SYDE2: variants seen among roughly 807,000 people sequenced by gnomAD.
SYDE2 encodes the protein synapse defective Rho GTPase homolog 2.
Under a neutral mutation model 91.5 loss-of-function variants are expected in SYDE2, and 76 were observed. The ratio of observed to expected loss-of-function variants is 0.83; its 90% confidence interval spans 0.69 to 1.01. The LOEUF (loss-of-function observed/expected upper bound fraction) is 1.01, where lower values mean the gene tolerates loss of function less well. SYDE2 is among the 50% of genes least tolerant of loss of function. The pLI is 0.00. For synonymous variants in SYDE2, 513 were observed against 506.4 expected, an observed-to-expected ratio of 1.01 and a Z score of -0.18; for missense variants, 1,364 against 1,367.7, an observed-to-expected ratio of 1.00 and a Z score of 0.04.
Position 85,182,900 on chromosome 1 carries a change from G to C in SYDE2, c.1742C>G (p.Thr581Ser), listed in dbSNP as rs1185406998. 3 of 1,613,630 alleles carry C rather than the reference G, an allele frequency of 1.9e-6. No individual in the cohort carries two copies. The Admixed American group carries it at 5.0e-5, about 27-fold the overall frequency. ...TATAACATTCCTCTTAGCAGCGGTGGTTGTGTTCCCAGAGGGCAGAATATC... is the reference window on the plus strand; with the variant it reads ...TATAACATTCCTCTTAGCAGCGGTGCTTGTGTTCCCAGAGGGCAGAATATC... ...HTDILPSGNT[T>S]TAAKRNVISR... Residue 581 changes from threonine (T) to serine (S), a missense_variant, in exon 3 of 7, where the codon ACC becomes AGC. Coordinates refer to ENST00000341460, the MANE Select transcript of SYDE2 (RefSeq NM_032184.2).
intron 4 of SYDE2, 78 bp from the exon 5 acceptor site, chr1:85,169,303 T>G: frequency 8.8e-7 from 1 of 1,135,388 alleles, no homozygotes; most frequent in South Asian, 1.8e-5. Flanking sequence ...TTTTTAAAAT[T>G]TAAGTATTAT....
At chr1:85,165,900 G>T (rs1377321111) in intron 5 of SYDE2, among the ~76,000 whole-genome samples, 1 of 124,164 alleles carries the variant, frequency 8.1e-6, no homozygotes, top group Non-Finnish European at 1.6e-5. Flanking sequence ...TGGAGACAGG[G>T]TCTCACTCTG....
chr1:85,181,882 A>G (rs1202459568), intron 3 of SYDE2: 1 of 433,882 alleles, frequency 2.3e-6, no homozygotes, highest in Admixed American at 4.1e-5. Flanking sequence ...CTGTGTTGCA[A>G]TATAAATTTG....
In SYDE2 at chr1:85,180,972, A is replaced by G. The variant is rs115425885; in HGVS notation, c.2544+1126T>C. Among the ~76,000 whole-genome samples the G allele has an allele frequency of 3.4e-3, 519 of 152,254 alleles. 1 individual carries two copies. Among genetic ancestry groups the G allele is most frequent in the African/African-American group, 0.012 (497 of 41,536 alleles). On this transcript the variant is annotated intron_variant, in intron 3 of 6. Transcript: ENST00000341460. Reference sequence around the variant, plus strand: ...CTTAAGAAAGAAAAATAATTAACCAAAAGTTGGATTGGAAAAGTAAAGGCC... The same window carrying G: ...CTTAAGAAAGAAAAATAATTAACCAGAAGTTGGATTGGAAAAGTAAAGGCC...
At chr1:85,156,533 A>G (rs1656886173), downstream of SYDE2, among the ~76,000 whole-genome samples, 1 of 152,208 alleles carries the variant, frequency 6.6e-6, no homozygotes, top group African/African-American at 2.4e-5. Context: ...CATTTAAAGT[A>G]AAGACATCTA....
At chr1:85,155,379 T>C (rs1315928219), downstream of SYDE2, among the ~76,000 whole-genome samples, 1 of 152,184 alleles carries the variant, frequency 6.6e-6, no homozygotes, top group Non-Finnish European at 1.5e-5. Context: ...TGGCTCATAC[T>C]GTAATCCCAG....
chr1:85,153,333 C>G (rs1656815549), downstream of SYDE2: 1 of 152,172 alleles, frequency 6.6e-6, no homozygotes, highest in Non-Finnish European at 1.5e-5. Flanking sequence ...TTAGCAGTGA[C>G]AAACTCCAAT....
At position 85,182,193 on chromosome 1, in the gene SYDE2, C is replaced by T. The variant is rs1404562401; in HGVS notation, c.2449G>A (p.Asp817Asn). ...INQEPIIFGV[D>N]IQKVVEKENI... ...TCTTTCTCTACAACTTTTTGAATAT[C>T]AACTCCAAATATTATTGGTTCTTGG... Residue 817 changes from aspartate to asparagine, a missense_variant, in exon 3 of 7, where the codon GAT (aspartate) becomes AAT (asparagine). Coordinates refer to ENST00000341460, the MANE Select transcript of SYDE2 (RefSeq NM_032184.2). 1.2e-6 allele frequency: 2 copies of T among 1,607,574 alleles called. No individual in the cohort carries two copies. Among genetic ancestry groups the T allele is most frequent in the Non-Finnish European group, 1.7e-6 (2 of 1,176,634 alleles).
Position 85,158,740 on chromosome 1 carries a change from AC to A in SYDE2, c.*9del, listed in dbSNP as rs770842816. 2 of 712,554 alleles carry A rather than the reference AC, an allele frequency of 2.8e-6. No individual in the cohort carries two copies. The highest frequency in any genetic ancestry group is 5.1e-6 in the Non-Finnish European group (2 of 392,312). 44.1% of individuals were successfully genotyped at this position (712,554 alleles called of 1,614,324 possible). On this transcript the variant is annotated 3_prime_UTR_variant, in exon 7 of 7. Transcript: ENST00000341460. ...AAACTTTAAGACATTACAAAAAAAAACCCTCAATCTCAAAAACTCATATTAA... is the reference window on the plus strand; with the variant it reads ...AAACTTTAAGACATTACAAAAAAAAACCTCAATCTCAAAAACTCATATTAA...
chr1:85,194,060 G>A (rs2100692209), intron 1 of SYDE2, among the ~76,000 whole-genome samples: 2 of 151,878 alleles, frequency 1.3e-5, no homozygotes, highest in African/African-American at 4.8e-5. Flanking sequence ...AATTTATATT[G>A]TGTATTATAA....
At chr1:85,185,421 T>A (rs1658096994) in intron 2 of SYDE2, among the ~76,000 whole-genome samples, 3 of 152,014 alleles carry the variant, frequency 2.0e-5, no homozygotes, top group Admixed American at 2.0e-4. Flanking sequence ...CGATATTGAT[T>A]CTTCCTACCC....
At chr1:85,156,294 C>A (rs550235278), downstream of SYDE2, among the ~76,000 whole-genome samples, 51 of 151,912 alleles carry the variant, frequency 3.4e-4, no homozygotes, top group South Asian at 1.5e-3. Flanking sequence ...CGCCTGTAAT[C>A]CTTGCACTTT....
rs1657991311 is a variant in SYDE2, at chr1:85,182,931, G to A, written c.1711C>T (p.His571Tyr). Residue 571 changes from histidine (H) to tyrosine (Y), a missense_variant, in exon 3 of 7, where the codon CAT becomes TAT. Physicochemically the swap from His to Tyr is moderately conservative, Grantham distance 83. Transcript: ENST00000341460. ...LSKYNCREVHHTDILPSGNTT... is the reference protein window; with the variant it reads ...LSKYNCREVHYTDILPSGNTT... ...TTCCCAGAGGGCAGAATATCAGTAT[G>A]ATGAACTTCTCGGCAGTTATATTTA... The A allele has an allele frequency of 6.2e-7, 1 of 1,613,764 alleles. No homozygotes were observed. Among genetic ancestry groups the A allele is most frequent in the Non-Finnish European group, 8.5e-7 (1 of 1,179,750 alleles).
In SYDE2 at chr1:85,161,021, G is replaced by A. The variant is rs1031318748; in HGVS notation, c.3086-1772C>T. ...AACATCACTGACTTTTTAGACTACT[G>A]ATGTCAGAGTGGTTTACAACTAAAT... On this transcript the variant is annotated intron_variant, in intron 6 of 6. Transcript: ENST00000341460. 16 of 980,146 alleles carry A rather than the reference G, an allele frequency of 1.6e-5. No homozygotes were observed. In the African/African-American group the frequency reaches 2.4e-4, roughly 15 times the overall value. 60.7% of individuals were successfully genotyped at this position (980,146 alleles called of 1,614,324 possible). A position where few individuals can be genotyped will look rare whatever the true frequency, so the allele number is the denominator to read the frequency against.
chr1:85,153,840 C>T (rs1182751841), downstream of SYDE2: 1 of 152,072 alleles, frequency 6.6e-6, no homozygotes, highest in Non-Finnish European at 1.5e-5. Flanking sequence ...ATATAAAGGG[C>T]ACAAATCTTA....
At chr1:85,161,788 T>C (rs1175342307) in intron 6 of SYDE2, among the ~76,000 whole-genome samples, 1 of 151,906 alleles carries the variant, frequency 6.6e-6, no homozygotes, top group African/African-American at 2.4e-5. Flanking sequence ...ATACTCTCTC[T>C]AAATTGATTT....
chr1:85,152,928 T>G (rs147689293), downstream of SYDE2: 1 of 152,356 alleles, frequency 6.6e-6, no homozygotes, highest in African/African-American at 2.4e-5. Flanking sequence ...AGTCAGATAG[T>G]ACCATAAGTA....
chr1:85,158,922 T>G lies in SYDE2; in HGVS notation c.3413A>C (p.Gln1138Pro), dbSNP rs1348155903. Residue 1138 changes from glutamine to proline, a missense_variant, in exon 7 of 7, where the codon CAG becomes CCG. Coordinates refer to ENST00000341460, the MANE Select transcript of SYDE2 (RefSeq NM_032184.2). ...KMDGPEVMIE[Q>P]PIPMSKECTF... is the part of the protein sequence containing the mutation. ...ACACTCTTTGGACATGGGAATTGGC[T>G]GTTCAATCATTACTTCTGGCCCATC... The G allele has an allele frequency of 6.4e-6, 5 of 780,660 alleles. No individual in the cohort carries two copies. Among genetic ancestry groups the G allele is most frequent in the East Asian group, 2.4e-5 (1 of 41,242 alleles). 48.4% of individuals were successfully genotyped at this position (780,660 alleles called of 1,614,324 possible). A position where few individuals can be genotyped will look rare whatever the true frequency, so the allele number is the denominator to read the frequency against.
chr1:85,173,972 A>G (rs927095205), intron 4 of SYDE2, among the ~76,000 whole-genome samples: 1 of 152,210 alleles, frequency 6.6e-6, no homozygotes, highest in South Asian at 2.1e-4. Context: ...AATGAAATTA[A>G]TATCAGAAGA....
Sources: allele counts gnomAD v4.1 joint callset (sites outside exome capture counted in the v4.1 genomes callset), GRCh38; gene constraint gnomAD v4.1.1; transcripts MANE v1.5; gene names NCBI Gene and HGNC (gene_info 2026-07-23, HGNC 2026-07-21).